Variants in NIPAL3 observed in about 807,000 individuals in gnomAD.
NIPAL3 encodes the protein NIPA-like protein 3.
In NIPAL3, 41 loss-of-function variants were observed where a neutral mutation model predicts 47.2. The observed-to-expected ratio is 0.87, with a 90% confidence interval of 0.68 to 1.13. The LOEUF (loss-of-function observed/expected upper bound fraction) is 1.13, where lower values mean the gene tolerates loss of function less well. Ranked by LOEUF, NIPAL3 falls within the 50% of genes most tolerant of loss-of-function variation. The pLI is 0.00. For synonymous variants in NIPAL3, 194 were observed against 209.6 expected, an observed-to-expected ratio of 0.93 and a Z score of 0.64; for missense variants, 449 against 530.1, an observed-to-expected ratio of 0.85 and a Z score of 1.50.
At chr1:24,431,180 T>A (rs1008259007) in intron 2 of NIPAL3, among the ~76,000 whole-genome samples, 21 of 152,192 alleles carry the variant, frequency 1.4e-4, no homozygotes, top group African/African-American at 5.1e-4. Context: ...AAGTCATTCT[T>A]GGGATGGGCG....
rs1029863724 is a variant in NIPAL3, at chr1:24,453,461, C to G, written c.594C>G (p.Asn198Lys). ...TGCTCTACTTCTACAAGGAGAAGAA[C>G]GCCAACAACATTGTCGTGATTCTTC... ...CLLLYFYKEK[N>K]ANNIVVILLL... The change falls in exon 7 of 12, where the codon AAC (asparagine) becomes AAG (lysine). Residue 198 changes from asparagine to lysine, a missense_variant. Coordinates refer to ENST00000374399, the MANE Select transcript of NIPAL3 (RefSeq NM_020448.5). 1 of 1,613,620 alleles carries G rather than the reference C, an allele frequency of 6.2e-7. No individual in the cohort carries two copies. Among genetic ancestry groups the G allele is most frequent in the East Asian group, 2.2e-5 (1 of 44,854 alleles).
chr1:24,420,330 C>T (rs1019526925), intron 2 of NIPAL3, among the ~76,000 whole-genome samples: 5 of 151,926 alleles, frequency 3.3e-5, no homozygotes, highest in Non-Finnish European at 7.4e-5. Context: ...AGTGATACCC[C>T]GCCTGTACAA....
intron 11 of NIPAL3, 193 bp downstream of exon 11, chr1:24,464,313 A>C: frequency 4.9e-6 from 2 of 408,520 alleles, no homozygotes; most frequent in Non-Finnish European, 8.8e-6. Flanking sequence ...GGTTTTGAGC[A>C]CATCTTGCCA....
At chr1:24,442,370 C>A in intron 4 of NIPAL3, 144 bp downstream of exon 4, 1 of 810,540 alleles carries the variant, frequency 1.2e-6, no homozygotes, top group Non-Finnish European at 1.9e-6. Flanking sequence ...TCAGACACAC[C>A]AGGCCCTGTA....
At chr1:24,423,264 C>T (rs1644415199) in intron 2 of NIPAL3, among the ~76,000 whole-genome samples, 1 of 152,224 alleles carries the variant, frequency 6.6e-6, no homozygotes, top group South Asian at 2.1e-4. Flanking sequence ...AAGCTGTTCT[C>T]TTGAGTTTTC....
intron 2 of NIPAL3, among the ~76,000 whole-genome samples, chr1:24,425,577 CAG>C (rs1644544188): frequency 6.6e-6 from 1 of 152,108 alleles, no homozygotes; most frequent in Non-Finnish European, 1.5e-5. Context: ...CCTTTGGAAT[CAG>C]AGACTTGGCT....
chr1:24,453,258 C>T (rs751452308), intron 6 of NIPAL3, 150 bp from the exon 7 acceptor site: 41 of 618,268 alleles, frequency 6.6e-5, no homozygotes, highest in Middle Eastern at 8.7e-4. Flanking sequence ...TTCCCCTGAA[C>T]GTCTAACAGT....
chr1:24,419,004 T>C (rs1294739588), intron 1 of NIPAL3, among the ~76,000 whole-genome samples: 1 of 151,714 alleles, frequency 6.6e-6, no homozygotes, highest in African/African-American at 2.4e-5. Context: ...GGATTTAAGT[T>C]AGGGTGCGAT....
Position 24,419,409 on chromosome 1 carries a change from GTA to G in NIPAL3, c.-137_-136del, listed in dbSNP as rs1234888888. 20 of 1,369,716 alleles carry G rather than the reference GTA, an allele frequency of 1.5e-5. No homozygotes were observed. The highest frequency in any genetic ancestry group is 1.9e-6 in the Non-Finnish European group (2 of 1,061,474). 84.8% of individuals were successfully genotyped at this position (1,369,716 alleles called of 1,614,324 possible). On this transcript the variant is annotated 5_prime_UTR_variant, in exon 2 of 12. Coordinates refer to ENST00000374399, the MANE Select transcript of NIPAL3 (RefSeq NM_020448.5). ...GTAAATCTGCCAAAACAGCCTTGAAGTATTCTTTTGTCATGAGGAAGTGACGG... is the reference window on the plus strand; with the variant it reads ...GTAAATCTGCCAAAACAGCCTTGAAGTTCTTTTGTCATGAGGAAGTGACGG...
At position 24,470,593 on chromosome 1, in the gene NIPAL3, C is replaced by T. The variant is rs1482185692; in HGVS notation, c.*1408C>T. ...TTCCTTTGGAAGGTTAAATACTCCC[C>T]ATAGGATCTGTGGCATTTCTCCATC... On this transcript the variant is annotated 3_prime_UTR_variant, in exon 12 of 12. Transcript: ENST00000374399. The T allele has an allele frequency of 6.6e-6, 1 of 152,198 alleles. No individual in the cohort carries two copies. Among genetic ancestry groups the T allele is most frequent in the Non-Finnish European group, 1.5e-5 (1 of 68,050 alleles). 9.4% of individuals were successfully genotyped at this position (152,198 alleles called of 1,614,324 possible). A position where few individuals can be genotyped will look rare whatever the true frequency, so the allele number is the denominator to read the frequency against.
rs555151629 is a variant in NIPAL3 at position 24,469,400 on chromosome 1, G to A, written c.*215G>A. ...GGGGGATGGAAGCATTATTCCAGGT[G>A]GACGGGATAGAATCCAGCCTCTGCC... is the stretch of plus-strand genomic sequence containing the variant. On this transcript the variant is annotated 3_prime_UTR_variant, in exon 12 of 12. Transcript: ENST00000374399. The A allele has an allele frequency of 9.7e-5, 52 of 535,918 alleles. No individual in the cohort carries two copies. Among genetic ancestry groups the A allele is most frequent in the African/African-American group, 1.9e-5 (1 of 53,110 alleles). 33.2% of individuals were successfully genotyped at this position (535,918 alleles called of 1,614,324 possible). A position where few individuals can be genotyped will look rare whatever the true frequency, so the allele number is the denominator to read the frequency against.
chr1:24,415,693 C>T, upstream of NIPAL3: 1 of 241,956 alleles, frequency 4.1e-6, no homozygotes, highest in Non-Finnish European at 6.7e-6. Flanking sequence ...TCCCCGTCCT[C>T]GCAGCCACTT....
At chr1:24,424,548 G>A (rs908289309) in intron 2 of NIPAL3, among the ~76,000 whole-genome samples, 2 of 152,176 alleles carry the variant, frequency 1.3e-5, no homozygotes, top group East Asian at 1.9e-4. Context: ...CTCCTTTCTC[G>A]ATTTTGTTAA....
chr1:24,442,175 G>C lies in NIPAL3; in HGVS notation c.283G>C (p.Ala95Pro). ...CGAGCTGGGTGTGTTCGCCTCCTAC[G>C]CCTTCGCGCCGCTGTCACTCATCGT... Reference protein sequence around the residue: ...LGELGVFASYAFAPLSLIVPL... With the variant: ...LGELGVFASYPFAPLSLIVPL... The change falls in exon 4 of 12, where the codon GCC (alanine) becomes CCC (proline). Residue 95 changes from alanine to proline, a missense_variant. By Grantham distance (27) the Ala-to-Pro change is conservative. Coordinates refer to ENST00000374399, the MANE Select transcript of NIPAL3 (RefSeq NM_020448.5). 6.2e-7 allele frequency: 1 copy of C among 1,614,104 alleles called. No homozygotes were observed. The highest frequency in any genetic ancestry group is 8.5e-7 in the Non-Finnish European group (1 of 1,180,002).
chr1:24,457,853 A>G (rs777118255), intron 8 of NIPAL3: 7 of 531,220 alleles, frequency 1.3e-5, no homozygotes, highest in South Asian at 2.8e-5. Flanking sequence ...AGCTGCTTCT[A>G]TGATTATTGG....
In NIPAL3 at chr1:24,451,250, T is replaced by C. The variant is rs1645921913; in HGVS notation, c.540+1624T>C. On this transcript the variant is annotated intron_variant, in intron 6 of 11. Coordinates refer to ENST00000374399, the MANE Select transcript of NIPAL3 (RefSeq NM_020448.5). This position sits in a 1 kb window ranked among gnomAD's most constrained non-coding sequence, Gnocchi z 4.5. ...ATTTGGCCAAACCAAATTCAGTCAA[T>C]ATTTATTGAGCGTCTGCTGTGTGCT... Among the ~76,000 whole-genome samples the C allele has an allele frequency of 6.6e-6, 1 of 152,192 alleles. No homozygotes were observed. The highest frequency in any genetic ancestry group is 2.1e-4 in the South Asian group (1 of 4,830).
intron 8 of NIPAL3, 72 bp downstream of exon 8, chr1:24,456,345 A>G: frequency 6.3e-7 from 1 of 1,597,822 alleles, no homozygotes; most frequent in Non-Finnish European, 8.6e-7. Flanking sequence ...CTGATGACGT[A>G]TGCTGTGAAG....
At chr1:24,426,093 G>A (rs192641254) in intron 2 of NIPAL3, among the ~76,000 whole-genome samples, 2 of 152,252 alleles carry the variant, frequency 1.3e-5, no homozygotes, top group South Asian at 2.1e-4. Context: ...CGAAACTGGC[G>A]CAGAGAGGTT....
intron 2 of NIPAL3, among the ~76,000 whole-genome samples, chr1:24,435,197 A>T (rs964961255): frequency 6.6e-6 from 1 of 152,256 alleles, no homozygotes; most frequent in Non-Finnish European, 1.5e-5. Flanking sequence ...ATAACTGGAT[A>T]TCCACATGTA....
Sources: allele counts gnomAD v4.1 joint callset (sites outside exome capture counted in the v4.1 genomes callset), GRCh38; gene constraint gnomAD v4.1.1; non-coding constraint Gnocchi (gnomAD v3.1); transcripts MANE v1.5; gene names NCBI Gene and HGNC (gene_info 2026-07-23, HGNC 2026-07-21).